Variants in KANSL1 observed in about 807,000 individuals in gnomAD.
The protein encoded by KANSL1 is MLL1/MLL complex subunit KANSL1.
KANSL1 carries 22 observed loss-of-function variants against 103.6 expected under a neutral mutation model. The ratio of observed to expected loss-of-function variants is 0.21; its 90% CI spans 0.15 to 0.30. The LOEUF is 0.30. Ranked by LOEUF, KANSL1 falls within the 10% of genes least tolerant of loss-of-function variation. KANSL1 has a pLI of 1.00. For missense variants in KANSL1, 1,337 were observed against 1,399.8 expected (o/e 0.96, Z 0.72); for synonymous variants, 600 against 527.6 (o/e 1.14, Z -1.88).
chr17:46,106,229 G>T (rs995151518), intron 2 of KANSL1, among the ~76,000 whole-genome samples: 7 of 152,164 alleles, frequency 4.6e-5, no homozygotes, highest in African/African-American at 1.7e-4. Flanking sequence ...TGAGCCCCCA[G>T]TCAGCTACTG....
At chr17:46,158,391 G>A (rs930661679) in intron 2 of KANSL1, among the ~76,000 whole-genome samples, 2 of 147,024 alleles carry the variant, frequency 1.4e-5, no homozygotes, top group East Asian at 2.0e-4. Flanking sequence ...AGACAGTCTC[G>A]CTCAGTCGCC....
At chr17:46,065,586 A>AG (rs1367837726) in intron 6 of KANSL1, among the ~76,000 whole-genome samples, 2 of 152,170 alleles carry the variant, frequency 1.3e-5, no homozygotes, top group Non-Finnish European at 2.9e-5. Context: ...GGCTTTGGAG[A>AG]GGAGTGGAAG....
At chr17:46,083,259 T>C (rs1255887074) in intron 3 of KANSL1, among the ~76,000 whole-genome samples, 1 of 151,900 alleles carries the variant, frequency 6.6e-6, no homozygotes, top group Non-Finnish European at 1.5e-5. Flanking sequence ...AAAAACAAAA[T>C]ACTACATATG....
At chr17:46,172,887 G>A (rs527439887) in intron 1 of KANSL1, among the ~76,000 whole-genome samples, 1 of 152,194 alleles carries the variant, frequency 6.6e-6, no homozygotes, top group East Asian at 1.9e-4. Context: ...AGTATCTTCT[G>A]CCCTCAGTAC....
At chr17:46,194,059 T>G (rs879244778), upstream of KANSL1, among the ~76,000 whole-genome samples, 14,300 of 143,958 alleles carry the variant, frequency 0.099, no homozygotes, top group Middle Eastern at 0.15. Context: ...TTGGGCGGGG[T>G]GGGGAGGGTG....
intron 2 of KANSL1, among the ~76,000 whole-genome samples, chr17:46,153,205 C>T (rs752850136): frequency 1.3e-5 from 2 of 152,106 alleles, no homozygotes; most frequent in Admixed American, 6.5e-5. Context: ...CATGCAGGTA[C>T]GCAGCTCATC....
chr17:46,189,904 C>T (rs1469200030), intron 1 of KANSL1, among the ~76,000 whole-genome samples: 3 of 76,970 alleles, frequency 3.9e-5, no homozygotes, highest in Non-Finnish European at 8.9e-5. Flanking sequence ...GAGACCCTGC[C>T]TCAAAAAAAA....
chr17:46,158,498 G>C (rs548917681), intron 2 of KANSL1, among the ~76,000 whole-genome samples: 1 of 152,204 alleles, frequency 6.6e-6, no homozygotes, highest in Admixed American at 6.5e-5. Flanking sequence ...AAGTAGCTGG[G>C]ATTACGGGCA....
At chr17:46,068,674 CTATT>C (rs928300845) in intron 4 of KANSL1, among the ~76,000 whole-genome samples, 12 of 151,612 alleles carry the variant, frequency 7.9e-5, no homozygotes, top group African/African-American at 2.9e-4. Context: ...CAGATACTAA[CTATT>C]GTCTTTAGAG....
chr17:46,183,742 G>C (rs551784703), intron 1 of KANSL1, among the ~76,000 whole-genome samples: 1 of 152,260 alleles, frequency 6.6e-6, no homozygotes, highest in Admixed American at 6.5e-5. Context: ...CTTGAGGTCA[G>C]GAGTTTGAGA....
At chr17:46,195,115 G>T (rs1406477204), upstream of KANSL1, among the ~76,000 whole-genome samples, 2 of 152,232 alleles carry the variant, frequency 1.3e-5, no homozygotes, top group Non-Finnish European at 2.9e-5. Flanking sequence ...CACATAAATA[G>T]TAATTCCACA....
intron 2 of KANSL1, among the ~76,000 whole-genome samples, chr17:46,153,768 GAA>G (rs1298424123): frequency 6.6e-6 from 1 of 152,228 alleles, no homozygotes. Context: ...TCAATACAAA[GAA>G]GAGAGAGAAA....
intron 4 of KANSL1, among the ~76,000 whole-genome samples, chr17:46,074,800 TAAATAA>T (rs1250232490): frequency 1.8e-4 from 25 of 139,816 alleles, no homozygotes; most frequent in African/African-American, 5.8e-4. Flanking sequence ...AATAAATAAA[TAAATAA>T]ATATTGTCAG....
intron 3 of KANSL1, among the ~76,000 whole-genome samples, chr17:46,090,726 G>C (rs1311463559): frequency 6.6e-6 from 1 of 152,232 alleles, no homozygotes; most frequent in Admixed American, 6.5e-5. Flanking sequence ...GTCAATGACA[G>C]ACCACATATA....
chr17:46,031,930 G>GC, intron 14 of KANSL1, 117 bp downstream of exon 14: 1 of 1,414,752 alleles, frequency 7.1e-7, no homozygotes, highest in African/African-American at 1.4e-5. Context: ...TTTAAGTGCA[G>GC]CCCTTTGTCC....
chr17:46,055,085 G>A (rs2077870588), intron 6 of KANSL1, among the ~76,000 whole-genome samples: 1 of 151,838 alleles, frequency 6.6e-6, no homozygotes, highest in South Asian at 2.1e-4. Flanking sequence ...TCCTGACCTC[G>A]TGATCCGCCT....
intron 2 of KANSL1, among the ~76,000 whole-genome samples, chr17:46,132,881 T>TGCAGTGAGCCATCACCATA (rs1555560688): frequency 2.0e-5 from 3 of 151,930 alleles, no homozygotes; most frequent in Non-Finnish European, 2.9e-5. Context: ...AGGTCGAGGC[T>TGCAGTGAGCCATCACCATA]GCAGTGAGCC....
At chr17:46,095,583 G>T (rs1044453403) in intron 2 of KANSL1, among the ~76,000 whole-genome samples, 1 of 152,314 alleles carries the variant, frequency 6.6e-6, no homozygotes, top group South Asian at 2.1e-4. Context: ...CCTTCTTCAT[G>T]ATATAATTAC....
At position 46,098,506 on chromosome 17, in the gene KANSL1, C is replaced by T. The variant is rs141738260; in HGVS notation, c.1290-3805G>A. Among the ~76,000 whole-genome samples, 5 of 152,288 alleles carry T rather than the reference C, an allele frequency of 3.3e-5. No individual in the cohort carries two copies. The East Asian group carries it at 5.8e-4, about 18-fold the overall frequency. Reference sequence around the variant, plus strand: ...GAAAATTACTTAAAACATTTTAGTTCGCAAGAACTTTGATAAATACACTTT... The same window carrying T: ...GAAAATTACTTAAAACATTTTAGTTTGCAAGAACTTTGATAAATACACTTT... On this transcript the variant is annotated intron_variant, in intron 2 of 14. Coordinates refer to ENST00000432791, the MANE Select transcript of KANSL1 (RefSeq NM_015443.4).
Sources: allele counts gnomAD v4.1 joint callset (sites outside exome capture counted in the v4.1 genomes callset), GRCh38; gene constraint gnomAD v4.1.1; transcripts MANE v1.5; gene names NCBI Gene and HGNC (gene_info 2026-07-23, HGNC 2026-07-21).